The following MYH6 variants were observed in gnomAD, a reference collection of about 807,000 sequenced individuals.
The protein encoded by MYH6 is myosin-6.
Under a neutral mutation model 223.2 loss-of-function variants are expected in MYH6, and 126 were observed. The ratio of observed to expected loss-of-function variants is 0.56; its 90% CI spans 0.49 to 0.65. The LOEUF (loss-of-function observed/expected upper bound fraction) is 0.65, where lower values mean the gene tolerates loss of function less well. MYH6 is among the 30% of genes least tolerant of loss of function. MYH6 has a pLI of 0.00. For synonymous variants in MYH6, 978 were observed against 1,010.2 expected (o/e 0.97, Z 0.61); for missense variants, 2,040 against 2,536.4 (o/e 0.80, Z 4.20).
chr14:23,397,989 T>TTCC (rs1491130421), intron 15 of MYH6, among the ~76,000 whole-genome samples: 3 of 143,776 alleles, frequency 2.1e-5, no homozygotes, highest in African/African-American at 8.0e-5. Flanking sequence ...CTTCTTCTTC[T>TTCC]TCTTCTTCTT....
At chr14:23,386,662 A>C (rs1241633650) in intron 32 of MYH6, 39 bp from the exon 33 acceptor site, 1 of 1,581,076 alleles carries the variant, frequency 6.3e-7, no homozygotes, top group Non-Finnish European at 8.6e-7. Context: ...GACAGGGCAC[A>C]GGGCAGGGTT....
In MYH6 at chr14:23,397,056, A is replaced by G; in HGVS notation, c.2075T>C (p.Met692Thr). ...APGVMDNPLV[M>T]HQLRCNGVLE... ...CACGCCATTGCAGCGCAGCTGGTGC[A>G]TGACCAGGGGGTTGTCCATCACCCC... Residue 692 changes from methionine (M) to threonine (T), a missense_variant, in exon 18 of 39, where the codon ATG becomes ACG. Physicochemically the swap from Met to Thr is moderately conservative, Grantham distance 81. Transcript: ENST00000405093. 1 of 1,614,190 alleles carries G rather than the reference A, an allele frequency of 6.2e-7. No individual in the cohort carries two copies. Among genetic ancestry groups the G allele is most frequent in the Non-Finnish European group, 8.5e-7 (1 of 1,180,026 alleles).
chr14:23,407,146 G>C lies in MYH6; in HGVS notation c.78C>G (p.Ala26=). 4 of 1,614,254 alleles carry C rather than the reference G, an allele frequency of 2.5e-6. No individual in the cohort carries two copies. The highest frequency in any genetic ancestry group is 3.4e-6 in the Non-Finnish European group (4 of 1,180,050). The change falls in exon 3 of 39, where the codon GCC becomes GCG. Residue 26 remains alanine (A), a synonymous_variant. Coordinates refer to ENST00000405093, the MANE Select transcript of MYH6 (RefSeq NM_002471.4). The surrounding 1 kb of genome is among the most constrained non-coding windows in gnomAD (Gnocchi z 5.6). ...LRKSEKERLE[A]QTRPFDIRTE... ...TGCGAATGTCAAAGGGCCGGGTCTG[G>C]GCCTCTAGACGCTCCTTCTCTGACT...
intron 15 of MYH6, 40 bp from the exon 16 acceptor site, chr14:23,397,653 A>C (rs768576785): frequency 4.5e-5 from 73 of 1,605,876 alleles, no homozygotes; most frequent in Non-Finnish European, 6.1e-5. Context: ...GGAGCTGGAA[A>C]ATAAAGGAGC....
rs1566507498 is a variant in MYH6 at position 23,389,061 on chromosome 14, G to GGC, written c.3979-7_3979-6insGC. ...TGGGCCAGGGCGTTCTTCGCCTGGG[G>GGC]AGGGGGGGGGGCACCAGGAGGTGGG... On this transcript the variant is annotated splice_polypyrimidine_tract_variant and splice_region_variant and intron_variant, in intron 28 of 38. Transcript: ENST00000405093. The GGC allele has an allele frequency of 3.4e-6, 5 of 1,490,990 alleles. No individual in the cohort carries two copies. The African/African-American group carries it at 9.4e-5, about 28-fold the overall frequency. The allele number at this position is 1,490,990 out of a possible 1,614,324, so 92.4% of individuals were successfully genotyped here.
chr14:23,386,599 T>C lies in MYH6; in HGVS notation c.4675A>G (p.Lys1559Glu). 6.9e-7 allele frequency: 1 copy of C among 1,443,844 alleles called. No homozygotes were observed. The highest frequency in any genetic ancestry group is 9.3e-7 in the Non-Finnish European group (1 of 1,073,940). The allele number at this position is 1,443,844 out of a possible 1,614,324, so 89.4% of individuals were successfully genotyped here. A position where few individuals can be genotyped will look rare whatever the true frequency, so the allele number is the denominator to read the frequency against. The change falls in exon 33 of 39, where the codon AAG (lysine) becomes GAG (glutamate). Residue 1559 changes from lysine (K) to glutamate (E), a missense_variant. By Grantham distance (56) the Lys-to-Glu change is moderately conservative. Transcript: ENST00000405093. ...AEASLEHEEG[K>E]ILRAQLEFNQ... Reference sequence around the variant, plus strand: ...AACTCTAGCTGGGCCCGGAGGATCTTGCCCTCCTCGTGCTCCAGGGAGGCC... The same window carrying C: ...AACTCTAGCTGGGCCCGGAGGATCTCGCCCTCCTCGTGCTCCAGGGAGGCC...
rs1454835157 is a variant in MYH6, at chr14:23,386,117, C to A, written c.4974G>T (p.Gln1658His). 2 of 1,614,128 alleles carry A rather than the reference C, an allele frequency of 1.2e-6. No individual in the cohort carries two copies. Among genetic ancestry groups the A allele is most frequent in the African/African-American group, 1.3e-5 (1 of 74,942 alleles). ...LQSLLKDTQI[Q>H]LDDAVRANDD... ...CGTTGGCACGGACCGCATCGTCCAG[C>A]TGGATCTGGGTGTCCTGAGCATCAG... Residue 1658 changes from glutamine (Q) to histidine (H), a missense_variant, in exon 34 of 39, where the codon CAG becomes CAT. Around this residue, in one of 4 missense-constraint regions of MYH6, gnomAD observed 1,203 missense variants for 1,400.2 expected, o/e 0.86. Coordinates refer to ENST00000405093, the MANE Select transcript of MYH6 (RefSeq NM_002471.4).
chr14:23,390,901 C>G (rs1437650376), intron 25 of MYH6, among the ~76,000 whole-genome samples: 1 of 152,152 alleles, frequency 6.6e-6, no homozygotes, highest in Non-Finnish European at 1.5e-5. Context: ...CAACATGCCT[C>G]GAAACAATCA....
Position 23,396,359 on chromosome 14 carries a change from C to A in MYH6, c.2354G>T (p.Arg785Leu). Residue 785 changes from arginine (R) to leucine (L), a missense_variant, in exon 20 of 39, where the codon CGC (arginine) becomes CTC (leucine). Physicochemically the swap from Arg to Leu is moderately radical, Grantham distance 102 (BLOSUM62 -2). This residue lies in a region of MYH6 where 649 missense variants were observed against 877.3 expected (regional missense o/e 0.74). Coordinates refer to ENST00000405093, the MANE Select transcript of MYH6 (RefSeq NM_002471.4). ...TTGGGCCTGCATGCGCGTGATGATG[C>A]GGCTCAGCCTCTCATCCCGCATCTC... ...LEEMRDERLSRIITRMQAQAR... is the reference protein window; with the variant it reads ...LEEMRDERLSLIITRMQAQAR... The A allele has an allele frequency of 6.2e-7, 1 of 1,614,068 alleles. No homozygotes were observed. Among genetic ancestry groups the A allele is most frequent in the Non-Finnish European group, 8.5e-7 (1 of 1,180,048 alleles).
At chr14:23,390,823 T>C (rs1035825312) in intron 25 of MYH6, among the ~76,000 whole-genome samples, 1 of 152,170 alleles carries the variant, frequency 6.6e-6, no homozygotes, top group Admixed American at 6.5e-5. Context: ...GTCCCCAGAT[T>C]CACTAGGCTC....
Position 23,398,904 on chromosome 14 carries a change from C to G in MYH6, c.1715G>C (p.Gly572Ala). The change falls in exon 15 of 39, where the codon GGG becomes GCG. Residue 572 changes from glycine to alanine, a missense_variant. Gly to Ala is a moderately conservative substitution (Grantham distance 60, BLOSUM62 0). Around this residue, in one of 4 missense-constraint regions of MYH6, gnomAD observed 649 missense variants for 877.3 expected, o/e 0.74. Transcript: ENST00000405093. ...NNFQKPRNIK[G>A]KQEAHFSLIH... is the part of the protein sequence containing the mutation. ...CAGGGAGAAGTGGGCTTCCTGCTTC[C>G]CCTTGATGTTGCGTGGCTTCTGGAA... 1 of 1,614,106 alleles carries G rather than the reference C, an allele frequency of 6.2e-7. No individual in the cohort carries two copies. The highest frequency in any genetic ancestry group is 8.5e-7 in the Non-Finnish European group (1 of 1,180,018).
intron 22 of MYH6, 73 bp from the exon 23 acceptor site, chr14:23,393,591 C>A: frequency 1.2e-6 from 2 of 1,614,060 alleles, no homozygotes; most frequent in African/African-American, 1.3e-5. Flanking sequence ...GACCTCCATG[C>A]CAAGGACCAG....
rs745683537 is a variant in MYH6, at chr14:23,388,201, T to A, written c.4313A>T (p.Asn1438Ile). 1.2e-6 allele frequency: 2 copies of A among 1,612,372 alleles called. No individual in the cohort carries two copies. Among genetic ancestry groups the A allele is most frequent in the Admixed American group, 3.3e-5 (2 of 60,024 alleles). ...CTTGTCCAGGGCTGCAGCAGCAGCA[T>A]TGGAGCGCTCTACGTCCACCATCAA... ...EDLMVDVERS[N>I]AAAAALDKKQ... The change falls in exon 30 of 39, where the codon AAT becomes ATT. Residue 1438 changes from asparagine to isoleucine, a missense_variant. Coordinates refer to ENST00000405093, the MANE Select transcript of MYH6 (RefSeq NM_002471.4).
In MYH6 at chr14:23,388,164, G is replaced by A; in HGVS notation, c.4350C>T (p.Asn1450=). 6.2e-7 allele frequency: 1 copy of A among 1,612,320 alleles called. No individual in the cohort carries two copies. The highest frequency in any genetic ancestry group is 8.5e-7 in the Non-Finnish European group (1 of 1,180,032). The change falls in exon 30 of 39, where the codon AAC becomes AAT. Residue 1450 remains asparagine, a synonymous_variant. Coordinates refer to ENST00000405093, the MANE Select transcript of MYH6 (RefSeq NM_002471.4). ...CCCGCCCATGGTCCACCTTGTCAAA[G>A]TTTCTCTGCTTCTTGTCCAGGGCTG... The part of the protein sequence containing the change: ...AAAALDKKQR[N]FDKILAEWKQ...
rs1223560406 is a variant in MYH6 at position 23,383,240 on chromosome 14, G to T, written c.5646C>A (p.Arg1882=). 6.2e-7 allele frequency: 1 copy of T among 1,602,586 alleles called. No individual in the cohort carries two copies. The highest frequency in any genetic ancestry group is 1.7e-5 in the Admixed American group (1 of 59,410). ...KLQLKVKAYK[R]QAEEAEEQAN... ...CTGAACTCACCGCCTCCTCGGCCTG[G>T]CGCTTGTAGGCCTTGACCTTCAGTT... The change falls in exon 37 of 39, where the codon CGC becomes CGA. Residue 1882 remains arginine, a synonymous_variant. Transcript: ENST00000405093.
chr14:23,382,394 G>T (rs1433430707), intron 38 of MYH6, 34 bp downstream of exon 38: 2 of 1,613,490 alleles, frequency 1.2e-6, no homozygotes, highest in Non-Finnish European at 1.7e-6. Context: ...TGCTAATGTG[G>T]AAGTGACTAG....
rs483352719 is a variant in MYH6 at position 23,386,055 on chromosome 14, C to T, written c.5036G>A (p.Arg1679His). 1.4e-5 allele frequency: 22 copies of T among 1,614,204 alleles called. No homozygotes were observed. The highest frequency in any genetic ancestry group is 3.3e-5 in the South Asian group (3 of 91,084). The change falls in exon 34 of 39, where the codon CGC (arginine) becomes CAC (histidine). Residue 1679 changes from arginine to histidine, a missense_variant. Arg to His is a conservative substitution (Grantham distance 29). Around this residue, in one of 4 missense-constraint regions of MYH6, gnomAD observed 1,203 missense variants for 1,400.2 expected, o/e 0.86. Transcript: ENST00000405093. ...LKENIAIVER[R>H]NNLLQAELEE... ...CAGCTCAGCCTGCAGCAGGTTGTTG[C>T]GCCGCTCCACGATGGCGATGTTCTC...
In MYH6 at chr14:23,402,403, C is replaced by G. The variant is rs1034475090; in HGVS notation, c.1141+61G>C. The G allele has an allele frequency of 1.9e-6, 3 of 1,606,480 alleles. No individual in the cohort carries two copies. The African/African-American group carries it at 4.0e-5, about 21-fold the overall frequency. On this transcript the variant is annotated intron_variant, in intron 12 of 38. Transcript: ENST00000405093. ...GCCTCAGAGTCTCTGGGATCTGAGT[C>G]CCGCAGAGAGCCTGGTCAGCACCTC... is the stretch of plus-strand genomic sequence containing the variant.
In MYH6 at chr14:23,394,090, T is replaced by C. The variant is rs778127543; in HGVS notation, c.2663A>G (p.Asp888Gly). The C allele has an allele frequency of 6.2e-7, 1 of 1,614,072 alleles. No individual in the cohort carries two copies. The highest frequency in any genetic ancestry group is 8.5e-7 in the Non-Finnish European group (1 of 1,180,002). ...CACCGCCTGCACTTGGAGCTGCAGG[T>C]CATTCTTCTCCTGCAGCAGGGACAC... ...KMVSLLQEKN[D>G]LQLQVQAEQD... The change falls in exon 21 of 39, where the codon GAC becomes GGC. Residue 888 changes from aspartate (D) to glycine (G), a missense_variant. Around this residue, in one of 4 missense-constraint regions of MYH6, gnomAD observed 1,203 missense variants for 1,400.2 expected, o/e 0.86. Transcript: ENST00000405093.
Sources: gnomAD v4.1 joint callset for allele counts (sites outside exome capture counted in the v4.1 genomes callset) on GRCh38, gnomAD v4.1.1 for gene constraint, gnomAD v4.1.1 regional missense constraint, Gnocchi (gnomAD v3.1) non-coding constraint, MANE v1.5 for transcripts, NCBI Gene and HGNC (gene_info 2026-07-23, HGNC 2026-07-21) for gene names.